PDE3A: variants seen among roughly 807,000 people sequenced by gnomAD.
The protein encoded by PDE3A is phosphodiesterase 3A, also known as cGMP-inhibited 3',5'-cyclic phosphodiesterase 3A.
Under a neutral mutation model 98.3 loss-of-function variants are expected in PDE3A, and 43 were observed. That is an observed-to-expected ratio of 0.44 (90% CI 0.34 to 0.56). PDE3A has a LOEUF of 0.56. Among genes scored for constraint, PDE3A ranks in the 20% least tolerant of loss-of-function variants. PDE3A has a pLI of 0.01. For missense variants in PDE3A, 1,427 were observed against 1,440.7 expected (o/e 0.99, Z 0.15); for synonymous variants, 663 against 567.9 (o/e 1.17, Z -2.38).
chr12:20,679,970 C>T, intron 15 of PDE3A, 60 bp from the exon 16 acceptor site: 1 of 1,207,858 alleles, frequency 8.3e-7, no homozygotes, highest in Non-Finnish European at 1.1e-6. Flanking sequence ...AGATAACGTT[C>T]ATGTGCTCAG....
At chr12:20,607,249 G>A (rs1943732143) in intron 2 of PDE3A, among the ~76,000 whole-genome samples, 1 of 151,846 alleles carries the variant, frequency 6.6e-6, no homozygotes, top group Non-Finnish European at 1.5e-5. Context: ...GACCAGCCTG[G>A]GCAAAATAGC....
At chr12:20,390,209 A>G (rs1461957328) in intron 1 of PDE3A, among the ~76,000 whole-genome samples, 2 of 151,818 alleles carry the variant, frequency 1.3e-5, no homozygotes, top group East Asian at 3.9e-4. Context: ...CGGTGTGGAG[A>G]GGGGAGCAGG....
At chr12:20,491,836 TTAGTAG>T (rs954704153) in intron 1 of PDE3A, among the ~76,000 whole-genome samples, 4 of 152,218 alleles carry the variant, frequency 2.6e-5, no homozygotes, top group Non-Finnish European at 5.9e-5. Context: ...ACAGTAGTAG[TTAGTAG>T]TAGTAAGTAG....
At chr12:20,496,442 C>T (rs1945920257) in intron 1 of PDE3A, among the ~76,000 whole-genome samples, 1 of 152,044 alleles carries the variant, frequency 6.6e-6, no homozygotes, top group Non-Finnish European at 1.5e-5. Flanking sequence ...CACAAACAAA[C>T]CAACACAATT....
chr12:20,556,813 G>T, intron 2 of PDE3A, 103 bp downstream of exon 2: 1 of 827,402 alleles, frequency 1.2e-6, no homozygotes, highest in South Asian at 1.5e-5. Context: ...CGAGGAAGAG[G>T]CAAAATAACC....
In PDE3A at chr12:20,478,996, C is replaced by T. The variant is rs550616190; in HGVS notation, c.961-77664C>T. ...TAATTTTAAAATATATACTTTGTGA[C>T]ATTTTTCAACATTTATTAAAACCCA... On this transcript the variant is annotated intron_variant, in intron 1 of 15. Transcript: ENST00000359062. 2.6e-5 allele frequency among the ~76,000 whole-genome samples: 4 copies of T among 152,258 alleles called. No individual in the cohort carries two copies. The East Asian group carries it at 7.7e-4, about 29-fold the overall frequency.
At chr12:20,447,054 T>C (rs1591941730) in intron 1 of PDE3A, among the ~76,000 whole-genome samples, 1 of 152,296 alleles carries the variant, frequency 6.6e-6, no homozygotes, top group East Asian at 1.9e-4. Context: ...TGGATTTTAT[T>C]CTGATAAAGA....
chr12:20,410,620 T>A (rs1260983797), intron 1 of PDE3A, among the ~76,000 whole-genome samples: 1 of 152,182 alleles, frequency 6.6e-6, no homozygotes, highest in African/African-American at 2.4e-5. Context: ...TTTGTTTTGT[T>A]GTTGTTGTTG....
Position 20,369,204 on chromosome 12 carries a change from T to TGG in PDE3A, c.-80_-79insGG. On this transcript the variant is annotated 5_prime_UTR_variant, in exon 1 of 16. Transcript: ENST00000359062. The stretch of plus-strand genomic sequence containing the variant: ...GAGCGTGCGTGCGTGTGTGTGTGTG[T>TGG]GTGTGTGCGCGCGCGCGCGTGGGTC... The TGG allele has an allele frequency of 3.4e-6, 3 of 872,832 alleles. No homozygotes were observed. The highest frequency in any genetic ancestry group is 5.2e-6 in the Non-Finnish European group (3 of 579,072). The allele number at this position is 872,832 out of a possible 1,614,324, so 54.1% of individuals were successfully genotyped here.
chr12:20,575,228 G>T (rs1279164246), intron 2 of PDE3A, among the ~76,000 whole-genome samples: 1 of 151,738 alleles, frequency 6.6e-6, no homozygotes, highest in African/African-American at 2.4e-5. Flanking sequence ...TACTAAAATT[G>T]GATTTACTTT....
In PDE3A at chr12:20,685,889, A is replaced by C. The variant is rs112254147; in HGVS notation, c.*5618A>C. The stretch of plus-strand genomic sequence containing the variant: ...AATTCAATAACCAAAAATGCTTCAA[A>C]GAGTAATAATAAATCACCATAGGTA... On this transcript the variant is annotated 3_prime_UTR_variant, in exon 16 of 16. Transcript: ENST00000359062. 5.9e-5 allele frequency among the ~76,000 whole-genome samples: 9 copies of C among 152,240 alleles called. No individual in the cohort carries two copies. The highest frequency in any genetic ancestry group is 2.2e-4 in the African/African-American group (9 of 41,474).
intron 1 of PDE3A, among the ~76,000 whole-genome samples, chr12:20,510,971 G>C (rs190602392): frequency 4.2e-4 from 64 of 152,198 alleles, no homozygotes; most frequent in Admixed American, 3.9e-3. Flanking sequence ...GCACAGTGGA[G>C]TCTATCAAAC....
At chr12:20,421,378 T>C (rs2120755586) in intron 1 of PDE3A, among the ~76,000 whole-genome samples, 1 of 152,266 alleles carries the variant, frequency 6.6e-6, no homozygotes, top group East Asian at 1.9e-4. Flanking sequence ...TTTATACATG[T>C]CTTTATCGGA....
chr12:20,378,989 A>T (rs772561599), intron 1 of PDE3A, among the ~76,000 whole-genome samples: 2 of 151,748 alleles, frequency 1.3e-5, no homozygotes, highest in African/African-American at 2.4e-5. Flanking sequence ...AAATAATTTT[A>T]TGCAAGAATC....
chr12:20,402,332 A>G (rs1308987412), intron 1 of PDE3A, among the ~76,000 whole-genome samples: 1 of 151,994 alleles, frequency 6.6e-6, no homozygotes, highest in Non-Finnish European at 1.5e-5. Flanking sequence ...TATTTTTAGT[A>G]CAGATGTGGT....
chr12:20,659,079 T>C (rs747232943), intron 15 of PDE3A, among the ~76,000 whole-genome samples: 1 of 152,170 alleles, frequency 6.6e-6, no homozygotes, highest in Non-Finnish European at 1.5e-5. Flanking sequence ...CTGAGCTTAA[T>C]TGATCTGTGT....
At chr12:20,477,064 A>G (rs1024187167) in intron 1 of PDE3A, among the ~76,000 whole-genome samples, 1 of 152,142 alleles carries the variant, frequency 6.6e-6, no homozygotes. Flanking sequence ...TCCTCATTCT[A>G]TCTACTTTTA....
chr12:20,624,936 G>A (rs1448280892), intron 5 of PDE3A, among the ~76,000 whole-genome samples: 1 of 152,166 alleles, frequency 6.6e-6, no homozygotes, highest in African/African-American at 2.4e-5. Flanking sequence ...GGCAAAGAGT[G>A]TAAGCAAATG....
intron 1 of PDE3A, among the ~76,000 whole-genome samples, chr12:20,382,817 T>C (rs2120552409): frequency 6.6e-6 from 1 of 152,142 alleles, no homozygotes; most frequent in Non-Finnish European, 1.5e-5. Flanking sequence ...GAATAATACA[T>C]ATTCTTGCCC....
Sources: allele counts gnomAD v4.1 joint callset (sites outside exome capture counted in the v4.1 genomes callset), GRCh38; gene constraint gnomAD v4.1.1; transcripts MANE v1.5; gene names NCBI Gene and HGNC (gene_info 2026-07-23, HGNC 2026-07-21).